The following SIX5 variants were observed in gnomAD, a reference collection of about 807,000 sequenced individuals.
SIX5 encodes the protein homeobox protein SIX5.
A neutral mutation model predicts 37.1 loss-of-function variants in SIX5; 21 were observed. That is an observed-to-expected ratio of 0.57 (90% CI 0.40 to 0.81). The LOEUF is 0.81. Among genes scored for constraint, SIX5 ranks in the 40% least tolerant of loss-of-function variants. The pLI, the probability that SIX5 is intolerant of heterozygous loss-of-function variation, is 0.00. For missense variants in SIX5, 1,137 were observed against 1,025.1 expected (o/e 1.11, Z -1.49); for synonymous variants, 626 against 505.9 (o/e 1.24, Z -3.19).
At chr19:45,766,215 T>C (rs1390490738) in intron 2 of SIX5, 104 bp from the exon 3 acceptor site, 1 of 1,506,512 alleles carries the variant, frequency 6.6e-7, no homozygotes, top group South Asian at 1.3e-5. Context: ...GGGAGCCTTG[T>C]GGTGGGCCTT....
chr19:45,768,866 C>A lies in SIX5; in HGVS notation c.-22G>T. ...CCATGTTTTGCAACTTTGGGAAGTT[C>A]CTCCCTCCCTCTCTTCCTCCCTCGG... On this transcript the variant is annotated 5_prime_UTR_variant, in exon 1 of 3. Coordinates refer to ENST00000317578, the MANE Select transcript of SIX5 (RefSeq NM_175875.5). The A allele has an allele frequency of 6.6e-7, 1 of 1,525,080 alleles. No homozygotes were observed. Among genetic ancestry groups the A allele is most frequent in the Non-Finnish European group, 8.8e-7 (1 of 1,141,318 alleles). The allele number at this position is 1,525,080 out of a possible 1,614,324, so 94.5% of individuals were successfully genotyped here. A position where few individuals can be genotyped will look rare whatever the true frequency, so the allele number is the denominator to read the frequency against.
At chr19:45,767,187 C>G (rs768123196) in intron 1 of SIX5, 32 bp from the exon 2 acceptor site, 79 of 1,602,978 alleles carry the variant, frequency 4.9e-5, no homozygotes, top group Middle Eastern at 3.7e-4. Context: ...AGCTGGGGTC[C>G]CTTAGCCTGT....
intron 1 of SIX5, chr19:45,767,796 G>A (rs1421482015): frequency 3.5e-6 from 2 of 574,938 alleles, no homozygotes; most frequent in Non-Finnish European, 6.1e-6. Context: ...ACACCGATGG[G>A]ATTTGGGAAG....
At position 45,766,937 on chromosome 19, in the gene SIX5, C is replaced by T. The variant is rs910809766; in HGVS notation, c.1022G>A (p.Gly341Asp). 3.2e-6 allele frequency: 5 copies of T among 1,570,642 alleles called. No homozygotes were observed. Among genetic ancestry groups the T allele is most frequent in the East Asian group, 2.4e-5 (1 of 42,314 alleles). ...SGSPAVLLNG[G>D]PVIINGLALG... ...GGCCAGGCCGTTGATGATGACGGGG[C>T]CCCCGTTGAGGAGCACTGCTGGGGA... Residue 341 changes from glycine to aspartate, a missense_variant, in exon 2 of 3, where the codon GGC (glycine) becomes GAC (aspartate). Physicochemically the swap from Gly to Asp is moderately conservative, Grantham distance 94 (BLOSUM62 -1). Coordinates refer to ENST00000317578, the MANE Select transcript of SIX5 (RefSeq NM_175875.5).
chr19:45,765,452 C>T lies in SIX5; in HGVS notation c.*49G>A, dbSNP rs759116973. ...GGGGCTCCCCCCTCCCATTCCTGTC[C>T]CTGCGTCTTCAGCACCAATGTCGGG... On this transcript the variant is annotated 3_prime_UTR_variant, in exon 3 of 3. Transcript: ENST00000317578. The T allele has an allele frequency of 6.2e-7, 1 of 1,611,974 alleles. No individual in the cohort carries two copies. Among genetic ancestry groups the T allele is most frequent in the Non-Finnish European group, 8.5e-7 (1 of 1,179,816 alleles).
In SIX5 at chr19:45,766,772, T is replaced by G. The variant is rs1443101619; in HGVS notation, c.1187A>C (p.Glu396Ala). Reference protein sequence around the residue: ...LDPQTGEVRLEEAQSEAPETK... With the variant: ...LDPQTGEVRLAEAQSEAPETK... ...CTCAGGGGCCTCCGACTGAGCCTCCTCCAGCCGCACCTCCCCTGTCTGAGG... is the reference window on the plus strand; with the variant it reads ...CTCAGGGGCCTCCGACTGAGCCTCCGCCAGCCGCACCTCCCCTGTCTGAGG... Residue 396 changes from glutamate (E) to alanine (A), a missense_variant, in exon 2 of 3, where the codon GAG becomes GCG. Physicochemically the swap from Glu to Ala is moderately radical, Grantham distance 107. Coordinates refer to ENST00000317578, the MANE Select transcript of SIX5 (RefSeq NM_175875.5). 5.7e-6 allele frequency: 9 copies of G among 1,580,448 alleles called. No individual in the cohort carries two copies. In the Admixed American group the frequency reaches 1.6e-4, roughly 28 times the overall value.
chr19:45,767,299 A>T (rs986311239), intron 1 of SIX5, 144 bp from the exon 2 acceptor site: 1 of 816,034 alleles, frequency 1.2e-6, no homozygotes, highest in African/African-American at 1.7e-5. Flanking sequence ...GACCACTCCA[A>T]ACTCCAGGGC....
In SIX5 at chr19:45,766,129, C is replaced by T. The variant is rs1465620259; in HGVS notation, c.1610-18G>A. ...GAAGTTTCCTGTGGGGAGAGAGGGACCGAGCGCAGGTGAGAGCCAGGAGAG... is the reference window on the plus strand; with the variant it reads ...GAAGTTTCCTGTGGGGAGAGAGGGATCGAGCGCAGGTGAGAGCCAGGAGAG... On this transcript the variant is annotated intron_variant, in intron 2 of 2. Coordinates refer to ENST00000317578, the MANE Select transcript of SIX5 (RefSeq NM_175875.5). 1 of 1,607,670 alleles carries T rather than the reference C, an allele frequency of 6.2e-7. No homozygotes were observed. Among genetic ancestry groups the T allele is most frequent in the Non-Finnish European group, 8.5e-7 (1 of 1,177,356 alleles).
chr19:45,765,106 C>G lies in SIX5; in HGVS notation c.*395G>C. On this transcript the variant is annotated 3_prime_UTR_variant, in exon 3 of 3. Coordinates refer to ENST00000317578, the MANE Select transcript of SIX5 (RefSeq NM_175875.5). ...AGGCAGTTGTGACAACACCAGCTAT[C>G]GGCAGAGCTATTAATAGTGTTTCAG... The G allele has an allele frequency of 3.6e-6, 1 of 281,000 alleles. No homozygotes were observed. The highest frequency in any genetic ancestry group is 2.1e-5 in the African/African-American group (1 of 46,684). The allele number at this position is 281,000 out of a possible 1,614,324, so 17.4% of individuals were successfully genotyped here. A position where few individuals can be genotyped will look rare whatever the true frequency, so the allele number is the denominator to read the frequency against.
In SIX5 at chr19:45,766,319, A is replaced by AC. The variant is rs1397858562; in HGVS notation, c.1609+30dup. The AC allele has an allele frequency of 1.9e-6, 3 of 1,552,544 alleles. No homozygotes were observed. The African/African-American group carries it at 4.1e-5, about 21-fold the overall frequency. ...ATGACTGCACCCCTCCCCGGCTCTC[A>AC]CCTAGGCCTGAGGGAGGGAGATGGG... On this transcript the variant is annotated intron_variant, in intron 2 of 2. Coordinates refer to ENST00000317578, the MANE Select transcript of SIX5 (RefSeq NM_175875.5).
chr19:45,765,793 A>C lies in SIX5; in HGVS notation c.1928T>G (p.Leu643Arg), dbSNP rs1969057752. The C allele has an allele frequency of 1.9e-6, 3 of 1,605,648 alleles. No individual in the cohort carries two copies. The highest frequency in any genetic ancestry group is 1.7e-6 in the Non-Finnish European group (2 of 1,179,840). ...TGGGGGCGCCGGGAAGTTGGGCAGGAGGCCAGGGGAGTCAGGGGAGAAGGG... is the reference window on the plus strand; with the variant it reads ...TGGGGGCGCCGGGAAGTTGGGCAGGCGGCCAGGGGAGTCAGGGGAGAAGGG... ...SLPFSPDSPG[L>R]LPNFPAPPPE... The change falls in exon 3 of 3, where the codon CTC becomes CGC. Residue 643 changes from leucine (L) to arginine (R), a missense_variant. Physicochemically the swap from Leu to Arg is moderately radical, Grantham distance 102 (BLOSUM62 -2). Coordinates refer to ENST00000317578, the MANE Select transcript of SIX5 (RefSeq NM_175875.5).
In SIX5 at chr19:45,765,286, A is replaced by G. The variant is rs569453470; in HGVS notation, c.*215T>C. The G allele has an allele frequency of 1.7e-4, 119 of 686,744 alleles. No individual in the cohort carries two copies. In the African/African-American group the frequency reaches 1.9e-3, roughly 11 times the overall value. 42.5% of individuals were successfully genotyped at this position (686,744 alleles called of 1,614,324 possible). A position where few individuals can be genotyped will look rare whatever the true frequency, so the allele number is the denominator to read the frequency against. On this transcript the variant is annotated 3_prime_UTR_variant, in exon 3 of 3. Coordinates refer to ENST00000317578, the MANE Select transcript of SIX5 (RefSeq NM_175875.5). The stretch of plus-strand genomic sequence containing the variant: ...AGGGCACAGCATGGGGAGGGCTGTA[A>G]CAGAGAGGCCTCCCATCCAAAGGGG...
chr19:45,767,190 T>C (rs1969096407), intron 1 of SIX5, 35 bp from the exon 2 acceptor site: 1 of 1,600,180 alleles, frequency 6.2e-7, no homozygotes, highest in Non-Finnish European at 8.5e-7. Flanking sequence ...TGGGGTCCCT[T>C]AGCCTGTGGG....
Position 45,766,367 on chromosome 19 carries a change from G to A in SIX5, c.1592C>T (p.Pro531Leu). ...SGVGVTALQL[P>L]SATAPGNFLL... ...GGGGGTACCTGGGGCAGTGGCCGAA[G>A]GCAGCTGCAGGGCAGTCACGCCCAC... The change falls in exon 2 of 3, where the codon CCT becomes CTT. Residue 531 changes from proline (P) to leucine (L), a missense_variant. Physicochemically the swap from Pro to Leu is moderately conservative, Grantham distance 98. Coordinates refer to ENST00000317578, the MANE Select transcript of SIX5 (RefSeq NM_175875.5). 1.9e-6 allele frequency: 3 copies of A among 1,588,764 alleles called. No individual in the cohort carries two copies. The highest frequency in any genetic ancestry group is 2.6e-6 in the Non-Finnish European group (3 of 1,168,878).
In SIX5 at chr19:45,766,879, C is replaced by A. The variant is rs777196916; in HGVS notation, c.1080G>T (p.Leu360=). The change falls in exon 2 of 3, where the codon CTG becomes CTT. Residue 360 remains leucine (L), a synonymous_variant. Transcript: ENST00000317578. ...LGEASSLGPL[L]LTGGGGAPPP... is the part of the protein sequence containing the mutation. The stretch of plus-strand genomic sequence containing the variant: ...GAGGGGCACCCCCGCCCCCAGTGAG[C>A]AGCAGCGGGCCCAGGCTGGAGGCCT... The A allele has an allele frequency of 1.3e-6, 2 of 1,547,548 alleles. No homozygotes were observed. Among genetic ancestry groups the A allele is most frequent in the African/African-American group, 1.4e-5 (1 of 73,182 alleles).
In SIX5 at chr19:45,766,940, C is replaced by G. The variant is rs1466060174; in HGVS notation, c.1019G>C (p.Gly340Ala). 3 of 1,573,378 alleles carry G rather than the reference C, an allele frequency of 1.9e-6. No homozygotes were observed. The highest frequency in any genetic ancestry group is 2.6e-6 in the Non-Finnish European group (3 of 1,162,132). The change falls in exon 2 of 3, where the codon GGG (glycine) becomes GCG (alanine). Residue 340 changes from glycine to alanine, a missense_variant. Physicochemically the swap from Gly to Ala is moderately conservative, Grantham distance 60. Around this residue, in one of 3 missense-constraint regions of SIX5, gnomAD observed 787 missense variants for 621.4 expected, o/e 1.27. Transcript: ENST00000317578. The stretch of plus-strand genomic sequence containing the variant: ...CAGGCCGTTGATGATGACGGGGCCC[C>G]CGTTGAGGAGCACTGCTGGGGAGCC... ...ASGSPAVLLNGGPVIINGLAL... is the reference protein window; with the variant it reads ...ASGSPAVLLNAGPVIINGLAL...
In SIX5 at chr19:45,766,720, C is replaced by A. The variant is rs773558119; in HGVS notation, c.1239G>T (p.Pro413=). The A allele has an allele frequency of 1.3e-6, 2 of 1,564,432 alleles. No individual in the cohort carries two copies. The highest frequency in any genetic ancestry group is 4.8e-5 in the East Asian group (2 of 41,938). The part of the protein sequence containing the change: ...PETKGAQVAA[P]GPALGEEVLG... ...GGACCTCCTCTCCAAGGGCTGGTCCCGGAGCAGCCACCTGGGCCCCTTTGG... is the reference window on the plus strand; with the variant it reads ...GGACCTCCTCTCCAAGGGCTGGTCCAGGAGCAGCCACCTGGGCCCCTTTGG... Residue 413 remains proline, a synonymous_variant, in exon 2 of 3, where the codon CCG becomes CCT. Transcript: ENST00000317578.
rs1969154980 is a variant in SIX5, at chr19:45,768,841, C to A, written c.4G>T (p.Ala2Ser). 6.5e-7 allele frequency: 1 copy of A among 1,529,578 alleles called. No homozygotes were observed. The highest frequency in any genetic ancestry group is 8.7e-7 in the Non-Finnish European group (1 of 1,144,164). The allele number at this position is 1,529,578 out of a possible 1,614,324, so 94.8% of individuals were successfully genotyped here. M[A>S]TLPAEPSAGP... ...GCGCTCGGCTCCGCAGGCAAGGTAGCCATGTTTTGCAACTTTGGGAAGTTC... is the reference window on the plus strand; with the variant it reads ...GCGCTCGGCTCCGCAGGCAAGGTAGACATGTTTTGCAACTTTGGGAAGTTC... The change falls in exon 1 of 3, where the codon GCT becomes TCT. Residue 2 changes from alanine (A) to serine (S), a missense_variant. Coordinates refer to ENST00000317578, the MANE Select transcript of SIX5 (RefSeq NM_175875.5).
At chr19:45,767,371 C>T (rs949141127) in intron 1 of SIX5, among the ~76,000 whole-genome samples, 1 of 152,182 alleles carries the variant, frequency 6.6e-6, no homozygotes, top group East Asian at 1.9e-4. Context: ...GAGGCCCTTG[C>T]TCTCCCCCAC....
Sources: gnomAD v4.1 joint callset for allele counts (sites outside exome capture counted in the v4.1 genomes callset) on GRCh38, gnomAD v4.1.1 for gene constraint, gnomAD v4.1.1 regional missense constraint, MANE v1.5 for transcripts, NCBI Gene and HGNC (gene_info 2026-07-23, HGNC 2026-07-21) for gene names.